CHRD: variants seen among roughly 807,000 people sequenced by gnomAD.
CHRD encodes the protein chordin.
CHRD carries 69 observed loss-of-function variants against 113.7 expected under a neutral mutation model. That is an observed-to-expected ratio of 0.61 (90% confidence interval 0.50 to 0.74). The LOEUF (loss-of-function observed/expected upper bound fraction) is 0.74, where lower values mean the gene tolerates loss of function less well. Among genes scored for constraint, CHRD ranks in the 30% least tolerant of loss-of-function variants. CHRD has a pLI of 0.00. For synonymous variants in CHRD, 561 were observed against 540.8 expected, an observed-to-expected ratio of 1.04 and a Z score of -0.52; for missense variants, 1,194 against 1,295.8, an observed-to-expected ratio of 0.92 and a Z score of 1.21.
chr3:184,389,446 C>T, exon 23 of CHRD: 1 of 1,609,552 alleles, frequency 6.2e-7, no homozygotes, highest in Non-Finnish European at 8.5e-7. Context: ...GGCCAAGTGA[C>T]CAAGAGGATG....
rs1715136416 is a variant in CHRD, at chr3:184,380,501, G to C, written c.148+35G>C. Reference sequence around the variant, plus strand: ...CGCCCGGGGGAGGCGCGGGCGGGGAGTCGGGCTCGGGGCGAGTCAGCGCCA... The same window carrying C: ...CGCCCGGGGGAGGCGCGGGCGGGGACTCGGGCTCGGGGCGAGTCAGCGCCA... On this transcript the variant is annotated intron_variant, in intron 1 of 22. Coordinates refer to ENST00000204604, the Ensembl canonical transcript of CHRD. The surrounding 1 kb of genome is among the most constrained non-coding windows in gnomAD (Gnocchi z 6.3). 8.7e-7 allele frequency: 1 copy of C among 1,153,180 alleles called. No individual in the cohort carries two copies. The highest frequency in any genetic ancestry group is 4.8e-5 in the Admixed American group (1 of 20,730). The allele number at this position is 1,153,180 out of a possible 1,614,324, so 71.4% of individuals were successfully genotyped here.
At chr3:184,383,635 G>T (rs978785218) in exon 12 of CHRD, 4 of 1,609,616 alleles carry the variant, frequency 2.5e-6, no homozygotes, top group Admixed American at 3.4e-5. Flanking sequence ...CAGCCAGGAG[G>T]ACACACGGTG....
chr3:184,382,134 T>G, intron 6 of CHRD, 114 bp downstream of exon 6: 1 of 1,401,398 alleles, frequency 7.1e-7, no homozygotes, highest in Non-Finnish European at 9.9e-7. Context: ...GGCACTGACA[T>G]TATGATGCCC....
Position 184,388,087 on chromosome 3 carries a change from G to C in CHRD, c.2554+54G>C. 1 of 1,498,908 alleles carries C rather than the reference G, an allele frequency of 6.7e-7. No individual in the cohort carries two copies. The highest frequency in any genetic ancestry group is 9.2e-7 in the Non-Finnish European group (1 of 1,085,218). The allele number at this position is 1,498,908 out of a possible 1,614,324, so 92.9% of individuals were successfully genotyped here. A position where few individuals can be genotyped will look rare whatever the true frequency, so the allele number is the denominator to read the frequency against. Reference sequence around the variant, plus strand: ...TCACCTTTGGGTTGAGGCAGGCTTTGTCCTGGGTGAGGGGAAGGGTGCTCA... The same window carrying C: ...TCACCTTTGGGTTGAGGCAGGCTTTCTCCTGGGTGAGGGGAAGGGTGCTCA... On this transcript the variant is annotated intron_variant, in intron 20 of 22. Coordinates refer to ENST00000204604, the Ensembl canonical transcript of CHRD. This position sits in a 1 kb window ranked among gnomAD's most constrained non-coding sequence, Gnocchi z 6.1.
intron 12 of CHRD, 138 bp downstream of exon 12, chr3:184,383,780 T>C: frequency 2.3e-6 from 2 of 869,252 alleles, no homozygotes; most frequent in South Asian, 2.1e-5. Context: ...TTTGACTTTT[T>C]TTTTTTTTTT....
At position 184,387,851 on chromosome 3, in the gene CHRD, A is replaced by G. The variant is rs931989286; in HGVS notation, c.2452-80A>G. On this transcript the variant is annotated intron_variant, in intron 19 of 22. Transcript: ENST00000204604. The surrounding 1 kb of genome is among the most constrained non-coding windows in gnomAD (Gnocchi z 6.1). ...AAAGGCCACAGAGAGACTGCATTTG[A>G]GGTGTGGAATAGGAGAGGGAGTGGG... 3 of 1,244,794 alleles carry G rather than the reference A, an allele frequency of 2.4e-6. No homozygotes were observed. The highest frequency in any genetic ancestry group is 3.5e-6 in the Non-Finnish European group (3 of 865,726). The allele number at this position is 1,244,794 out of a possible 1,614,324, so 77.1% of individuals were successfully genotyped here.
In CHRD at chr3:184,387,626, G is replaced by A; in HGVS notation, c.2451+149G>A. On this transcript the variant is annotated intron_variant, in intron 19 of 22. Transcript: ENST00000204604. The surrounding 1 kb of genome is among the most constrained non-coding windows in gnomAD (Gnocchi z 6.1). ...AAAGGCCCTTGCGCTCTGAGAGTCG[G>A]CTTCCTGTGGGAAAATGAACAGGGC... 2 of 790,626 alleles carry A rather than the reference G, an allele frequency of 2.5e-6. No individual in the cohort carries two copies. Among genetic ancestry groups the A allele is most frequent in the South Asian group, 1.9e-5 (1 of 53,866 alleles). The allele number at this position is 790,626 out of a possible 1,614,324, so 49.0% of individuals were successfully genotyped here.
exon 23 of CHRD, chr3:184,389,586 G>T (rs1385110979): frequency 1.6e-6 from 1 of 641,604 alleles, no homozygotes; most frequent in East Asian, 2.8e-5. Flanking sequence ...AGCTCCACAA[G>T]GGGGAGAGGC....
chr3:184,380,880 G>A lies in CHRD; in HGVS notation c.252+85G>A, dbSNP rs1004821616. 11 of 1,040,712 alleles carry A rather than the reference G, an allele frequency of 1.1e-5. No homozygotes were observed. In the Admixed American group the frequency reaches 2.4e-4, roughly 23 times the overall value. 64.5% of individuals were successfully genotyped at this position (1,040,712 alleles called of 1,614,324 possible). On this transcript the variant is annotated intron_variant, in intron 2 of 22. Coordinates refer to ENST00000204604, the Ensembl canonical transcript of CHRD. The surrounding 1 kb of genome is among the most constrained non-coding windows in gnomAD (Gnocchi z 6.3). Reference sequence around the variant, plus strand: ...GCGTCGGAGTGGACTCGGAGCTGCTGAGAAGGAGCCCAGTCGGCAGATGTT... The same window carrying A: ...GCGTCGGAGTGGACTCGGAGCTGCTAAGAAGGAGCCCAGTCGGCAGATGTT...
chr3:184,380,620 C>A lies in CHRD; in HGVS notation c.149-72C>A. The A allele has an allele frequency of 1.6e-6, 2 of 1,266,326 alleles. No individual in the cohort carries two copies. The highest frequency in any genetic ancestry group is 3.5e-5 in the Admixed American group (1 of 28,216). The allele number at this position is 1,266,326 out of a possible 1,614,324, so 78.4% of individuals were successfully genotyped here. ...AGGGCGCGGTGCCTGGGACCCGGGA[C>A]CCGCGGGCAGCCCCCGGGGCGGCAC... On this transcript the variant is annotated intron_variant, in intron 1 of 22. Coordinates refer to ENST00000204604, the Ensembl canonical transcript of CHRD. The surrounding 1 kb of genome is among the most constrained non-coding windows in gnomAD (Gnocchi z 6.3).
chr3:184,380,310 G>C lies in CHRD; in HGVS notation c.-9G>C. On this transcript the variant is annotated 5_prime_UTR_variant, in exon 1 of 23. Transcript: ENST00000204604. This position sits in a 1 kb window ranked among gnomAD's most constrained non-coding sequence, Gnocchi z 6.3. Reference sequence around the variant, plus strand: ...TCCCTCCCTCCTCCCCAGCTGTCCCGTTCGCGTCATGCCGAGCCTCCCGGC... The same window carrying C: ...TCCCTCCCTCCTCCCCAGCTGTCCCCTTCGCGTCATGCCGAGCCTCCCGGC... 8.3e-7 allele frequency: 1 copy of C among 1,201,820 alleles called. No individual in the cohort carries two copies. The highest frequency in any genetic ancestry group is 1.1e-6 in the Non-Finnish European group (1 of 949,342). 74.4% of individuals were successfully genotyped at this position (1,201,820 alleles called of 1,614,324 possible).
Position 184,381,759 on chromosome 3 carries a change from A to ACGAGCC in CHRD, c.560_565dup (p.Ala187_Arg188dup), listed in dbSNP as rs776046493. On this transcript the variant is annotated inframe_insertion, in exon 5 of 23. Transcript: ENST00000204604. The surrounding 1 kb of genome is among the most constrained non-coding windows in gnomAD (Gnocchi z 4.7). ...CAGGGCCGAGGTCGCAGGCGGTGGC[A>ACGAGCC]CGAGCCCGAGTCTCGCTGCTGCGCT... 2 of 1,612,984 alleles carry ACGAGCC rather than the reference A, an allele frequency of 1.2e-6. No homozygotes were observed. Among genetic ancestry groups the ACGAGCC allele is most frequent in the Non-Finnish European group, 1.7e-6 (2 of 1,179,966 alleles).
chr3:184,380,536 G>A lies in CHRD; in HGVS notation c.148+70G>A, dbSNP rs1245536560. The stretch of plus-strand genomic sequence containing the variant: ...GGGCGAGTCAGCGCCAGCCCGGAGG[G>A]GGCGCGGGGCGCAGGTGGCTCGGCG... On this transcript the variant is annotated intron_variant, in intron 1 of 22. Coordinates refer to ENST00000204604, the Ensembl canonical transcript of CHRD. The surrounding 1 kb of genome is among the most constrained non-coding windows in gnomAD (Gnocchi z 6.3). 2.8e-6 allele frequency: 3 copies of A among 1,068,882 alleles called. No homozygotes were observed. The highest frequency in any genetic ancestry group is 3.5e-6 in the Non-Finnish European group (3 of 866,628). The allele number at this position is 1,068,882 out of a possible 1,614,324, so 66.2% of individuals were successfully genotyped here.
rs1304302864 is a variant in CHRD, at chr3:184,381,804, C to T, written c.600C>T (p.Ile200=). The T allele has an allele frequency of 6.2e-7, 1 of 1,613,180 alleles. No homozygotes were observed. The highest frequency in any genetic ancestry group is 1.1e-5 in the South Asian group (1 of 91,016). ...TGCGCTCTAGCCTCCGCTTCTCTATCTCCTACAGGCGGTGAGAAAGGGGAA... is the reference window on the plus strand; with the variant it reads ...TGCGCTCTAGCCTCCGCTTCTCTATTTCCTACAGGCGGTGAGAAAGGGGAA... Residue 200 remains isoleucine, a synonymous_variant, in exon 5 of 23, where the codon ATC becomes ATT. Coordinates refer to ENST00000204604, the Ensembl canonical transcript of CHRD. This position sits in a 1 kb window ranked among gnomAD's most constrained non-coding sequence, Gnocchi z 4.7.
Position 184,381,462 on chromosome 3 carries a change from G to T in CHRD, c.383-34G>T. ...GTCGGACTGGCCTTTCCCATGGCCA[G>T]CTGAAGCCCGTGTTCTTACCCCCCC... is the stretch of plus-strand genomic sequence containing the variant. On this transcript the variant is annotated intron_variant, in intron 3 of 22. Transcript: ENST00000204604. The surrounding 1 kb of genome is among the most constrained non-coding windows in gnomAD (Gnocchi z 4.7). 6.3e-7 allele frequency: 1 copy of T among 1,588,740 alleles called. No homozygotes were observed.
Position 184,380,824 on chromosome 3 carries a change from C to T in CHRD, c.252+29C>T, listed in dbSNP as rs772927377. 21 of 1,527,112 alleles carry T rather than the reference C, an allele frequency of 1.4e-5. No homozygotes were observed. The South Asian group carries it at 1.6e-4, about 12-fold the overall frequency. 94.6% of individuals were successfully genotyped at this position (1,527,112 alleles called of 1,614,324 possible). ...AGTGCACCCCGCGGCCGGCCCGGGC[C>T]CTGGCGGGTGGGGAGCGCCGGGTCG... is the stretch of plus-strand genomic sequence containing the variant. On this transcript the variant is annotated intron_variant, in intron 2 of 22. Coordinates refer to ENST00000204604, the Ensembl canonical transcript of CHRD. The surrounding 1 kb of genome is among the most constrained non-coding windows in gnomAD (Gnocchi z 6.3).
chr3:184,381,218 G>T lies in CHRD; in HGVS notation c.253-17G>T. On this transcript the variant is annotated splice_polypyrimidine_tract_variant and intron_variant, in intron 2 of 22. Transcript: ENST00000204604. The surrounding 1 kb of genome is among the most constrained non-coding windows in gnomAD (Gnocchi z 4.7). ...CATCTTGCACTCACTTGGGTTTCCC[G>T]CCTTTTCCGGGAGCAGCCTCAGTGG... 1 of 1,612,962 alleles carries T rather than the reference G, an allele frequency of 6.2e-7. No homozygotes were observed. The highest frequency in any genetic ancestry group is 8.5e-7 in the Non-Finnish European group (1 of 1,179,938).
chr3:184,386,539 G>A lies in CHRD; in HGVS notation c.1980G>A (p.Ala660=), dbSNP rs761107397. Residue 660 remains alanine, a synonymous_variant, in exon 16 of 23, where the codon GCG becomes GCA. Transcript: ENST00000204604. The stretch of plus-strand genomic sequence containing the variant: ...AGGTTGGCGGACTGCGCCTGGAGGC[G>A]GCCGGGGCCGAGGGGGTGCGGGCGC... 1.1e-4 allele frequency: 168 copies of A among 1,534,986 alleles called. 1 individual carries two copies. In the South Asian group the frequency reaches 1.6e-3, roughly 14 times the overall value.
Position 184,384,576 on chromosome 3 carries a change from C to T in CHRD, c.1480C>T (p.His494Tyr). Residue 494 changes from histidine (H) to tyrosine (Y), a missense_variant, in exon 13 of 23, where the codon CAT (histidine) becomes TAT (tyrosine). By Grantham distance (83) the His-to-Tyr change is moderately conservative. Coordinates refer to ENST00000204604, the Ensembl canonical transcript of CHRD. This position sits in a 1 kb window ranked among gnomAD's most constrained non-coding sequence, Gnocchi z 4.4. ...CCCTGGGCTGGGTGCCCGAGGGGCTCATATGCTGCTGCAGAATGAGCTCTT... is the reference window on the plus strand; with the variant it reads ...CCCTGGGCTGGGTGCCCGAGGGGCTTATATGCTGCTGCAGAATGAGCTCTT... The T allele has an allele frequency of 6.2e-7, 1 of 1,602,832 alleles. No homozygotes were observed. The highest frequency in any genetic ancestry group is 8.5e-7 in the Non-Finnish European group (1 of 1,174,850).
Sources: allele counts gnomAD v4.1 joint callset, GRCh38; gene constraint gnomAD v4.1.1; non-coding constraint Gnocchi (gnomAD v3.1); transcripts MANE v1.5; gene names NCBI Gene and HGNC (gene_info 2026-07-23, HGNC 2026-07-21).